Variants in GPHN observed in about 807,000 individuals in gnomAD.
GPHN encodes gephyrin.
Under a neutral mutation model 95.5 loss-of-function variants are expected in GPHN, and 17 were observed. That is an observed-to-expected ratio of 0.18 (90% CI 0.12 to 0.27). The LOEUF (loss-of-function observed/expected upper bound fraction) is 0.27, where lower values mean the gene tolerates loss of function less well. Ranked by LOEUF, GPHN falls within the 10% of genes least tolerant of loss-of-function variation. GPHN has a pLI of 1.00. For synonymous variants in GPHN, 320 were observed against 322.5 expected (o/e 0.99, Z 0.08); for missense variants, 660 against 978.1 (o/e 0.67, Z 4.34).
Position 66,508,850 on chromosome 14 carries a change from C to T in GPHN, c.64+259C>T, listed in dbSNP as rs542778261. ...GCGCCTTCGGAAGCAAAGTCCTGGG[C>T]CCCCGGGGACCGAGGGGCCGGTGCG... On this transcript the variant is annotated intron_variant, in intron 1 of 22. Transcript: ENST00000478722. 2.0e-5 allele frequency among the ~76,000 whole-genome samples: 3 copies of T among 152,254 alleles called. No individual in the cohort carries two copies. The South Asian group carries it at 6.2e-4, about 32-fold the overall frequency.
At chr14:66,854,061 G>C (rs2062701298) in intron 4 of GPHN, among the ~76,000 whole-genome samples, 2 of 152,162 alleles carry the variant, frequency 1.3e-5, no homozygotes, top group African/African-American at 2.4e-5. Context: ...AAAATATTGA[G>C]ACTTTACTAG....
chr14:67,722,585 AGCT>A, the GPHN span: 1 of 1,447,980 alleles, frequency 6.9e-7, no homozygotes, highest in African/African-American at 1.4e-5. Context: ...CCTGAGCCAG[AGCT>A]GGGGTTGAAG....
At chr14:67,330,099 CAGAA>C in the GPHN span, among the ~76,000 whole-genome samples, 165 of 149,454 alleles carry the variant, frequency 1.1e-3, no homozygotes, top group Non-Finnish European at 1.8e-3. Flanking sequence ...TGCTGTCTGT[CAGAA>C]AGAGGAATAA....
At chr14:66,716,548 C>G (rs1314315694) in intron 2 of GPHN, among the ~76,000 whole-genome samples, 3 of 152,044 alleles carry the variant, frequency 2.0e-5, no homozygotes, top group Non-Finnish European at 4.4e-5. Flanking sequence ...TATTTGTTGC[C>G]TGTGTACCTT....
chr14:67,398,981 G>A, the GPHN span, among the ~76,000 whole-genome samples: 2 of 152,200 alleles, frequency 1.3e-5, no homozygotes, highest in Non-Finnish European at 2.9e-5. Flanking sequence ...TTGTAACTGA[G>A]GTTGTTCCAT....
chr14:67,295,943 AAACCTAGATGTTTGTC>A, the GPHN span, among the ~76,000 whole-genome samples: 2 of 152,214 alleles, frequency 1.3e-5, no homozygotes, highest in Non-Finnish European at 2.9e-5. Context: ...AAACCAAAAA[AAACCTAGATGTTTGTC>A]AACCTGTGAA....
chr14:67,393,464 T>A, the GPHN span, among the ~76,000 whole-genome samples: 3 of 152,160 alleles, frequency 2.0e-5, no homozygotes, highest in South Asian at 6.2e-4. Context: ...GTTTTTTGTT[T>A]GTTTTTTGAG....
the GPHN span, chr14:67,395,280 C>A: frequency 1.3e-6 from 1 of 789,208 alleles, no homozygotes; most frequent in Non-Finnish European, 2.0e-6. Flanking sequence ...GGCCCTGAAG[C>A]ACCGTGGTGG....
chr14:66,631,724 A>AT (rs1466853939), intron 1 of GPHN, among the ~76,000 whole-genome samples: 1 of 152,076 alleles, frequency 6.6e-6, no homozygotes, highest in African/African-American at 2.4e-5. Context: ...TAAGTATAAT[A>AT]TTTTTTATTT....
intron 11 of GPHN, among the ~76,000 whole-genome samples, chr14:67,087,037 C>CAAAAA (rs60067524): frequency 1.7e-3 from 130 of 77,234 alleles, no homozygotes; most frequent in African/African-American, 5.0e-3. Flanking sequence ...GACTCTGTCT[C>CAAAAA]AAAAAAAAAA....
the GPHN span, among the ~76,000 whole-genome samples, chr14:67,420,693 TC>T: frequency 6.6e-6 from 1 of 152,110 alleles, no homozygotes; most frequent in Admixed American, 6.5e-5. Context: ...GGTAGATGTC[TC>T]AATTAGCTGG....
At chr14:66,984,849 G>A (rs971098952) in intron 9 of GPHN, among the ~76,000 whole-genome samples, 5 of 146,384 alleles carry the variant, frequency 3.4e-5, no homozygotes, top group South Asian at 2.2e-4. Flanking sequence ...TCACCCTGCC[G>A]TTTTTTTTTT....
intron 4 of GPHN, among the ~76,000 whole-genome samples, chr14:66,867,684 G>A (rs1173731774): frequency 6.6e-6 from 1 of 152,070 alleles, no homozygotes; most frequent in Admixed American, 6.5e-5. Context: ...AAATGTAACT[G>A]GCTGGCATTA....
At chr14:66,885,314 T>A (rs1021738749) in intron 5 of GPHN, among the ~76,000 whole-genome samples, 1 of 152,120 alleles carries the variant, frequency 6.6e-6, no homozygotes, top group Non-Finnish European at 1.5e-5. Flanking sequence ...ATAACTATTT[T>A]GGAACTTTGT....
chr14:66,567,450 T>G (rs1423232479), intron 1 of GPHN, among the ~76,000 whole-genome samples: 1 of 152,182 alleles, frequency 6.6e-6, no homozygotes, highest in Non-Finnish European at 1.5e-5. Flanking sequence ...TTGTTATGAT[T>G]CTCTTTAAAA....
the GPHN span, among the ~76,000 whole-genome samples, chr14:67,452,358 C>A: frequency 6.6e-6 from 1 of 151,002 alleles, no homozygotes; most frequent in Non-Finnish European, 1.5e-5. Flanking sequence ...GAGAGTTTCT[C>A]TGTACAAGGT....
chr14:67,593,325 G>A, the GPHN span: 10 of 214,706 alleles, frequency 4.7e-5, no homozygotes, highest in Non-Finnish European at 9.3e-5. Flanking sequence ...CTGCATCTCT[G>A]CAAAACATAG....
intron 1 of GPHN, among the ~76,000 whole-genome samples, chr14:66,571,542 C>T (rs951480584): frequency 1.3e-5 from 2 of 152,024 alleles, no homozygotes; most frequent in African/African-American, 4.8e-5. Context: ...CTTTTGGGGT[C>T]ATATTCAAAA....
In GPHN at chr14:66,681,130, C is replaced by T; in HGVS notation, c.88C>T (p.Leu30Phe). The T allele has an allele frequency of 6.3e-7, 1 of 1,597,388 alleles. No individual in the cohort carries two copies. The highest frequency in any genetic ancestry group is 8.6e-7 in the Non-Finnish European group (1 of 1,166,258). ...AGTGAGTGATAGTTGCTTCAGGAATCTTGCAGAAGACCGCAGTGGGATAAA... is the reference window on the plus strand; with the variant it reads ...AGTGAGTGATAGTTGCTTCAGGAATTTTGCAGAAGACCGCAGTGGGATAAA... The part of the protein sequence containing the change: ...LTVSDSCFRN[L>F]AEDRSGINLK... The change falls in exon 2 of 23, where the codon CTT becomes TTT. Residue 30 changes from leucine (L) to phenylalanine (F), a missense_variant. Around this residue, in one of 6 missense-constraint regions of GPHN, gnomAD observed 92 missense variants for 91.9 expected, o/e 1.00. Coordinates refer to ENST00000478722, the MANE Select transcript of GPHN (RefSeq NM_020806.5).
Sources: gnomAD v4.1 joint callset for allele counts (sites outside exome capture counted in the v4.1 genomes callset) on GRCh38, gnomAD v4.1.1 for gene constraint, gnomAD v4.1.1 regional missense constraint, MANE v1.5 for transcripts, NCBI Gene and HGNC (gene_info 2026-07-23, HGNC 2026-07-21) for gene names.